Variants in CAST observed in about 807,000 individuals in gnomAD.
CAST encodes MIR583 host.
A neutral mutation model predicts 119.6 loss-of-function variants in CAST; 76 were observed. The observed-to-expected ratio is 0.64, with a 90% CI of 0.53 to 0.77. The LOEUF is 0.77. Among genes scored for constraint, CAST ranks in the 30% least tolerant of loss-of-function variants. The probability of loss-of-function intolerance (pLI) is 0.00; values close to 1 mark genes in which losing one functional copy is unlikely to be tolerated. For missense variants in CAST, 953 were observed against 946.5 expected, an observed-to-expected ratio of 1.01 and a Z score of -0.09; for synonymous variants, 319 against 331.6, an observed-to-expected ratio of 0.96 and a Z score of 0.41.
At chr5:96,618,220 C>T (rs979691190) in intron 1 of CAST, among the ~76,000 whole-genome samples, 2 of 150,560 alleles carry the variant, frequency 1.3e-5, no homozygotes, top group African/African-American at 5.0e-5. Context: ...AGTCCTTTGC[C>T]CTCCTGGGAG....
At chr5:96,045,872 G>T in the CAST span, among the ~76,000 whole-genome samples, 6 of 152,142 alleles carry the variant, frequency 3.9e-5, no homozygotes, top group East Asian at 1.9e-4. Flanking sequence ...CTCTGGTGAG[G>T]CAATAACTGC....
the CAST span, among the ~76,000 whole-genome samples, chr5:96,334,421 C>T: frequency 6.6e-6 from 1 of 152,182 alleles, no homozygotes; most frequent in East Asian, 1.9e-4. Flanking sequence ...GGTGAGGTGG[C>T]CTGGTTCTCA....
chr5:96,089,269 C>T, the CAST span, among the ~76,000 whole-genome samples: 8 of 151,952 alleles, frequency 5.3e-5, no homozygotes, highest in Admixed American at 1.3e-4. Context: ...GATTATAAAC[C>T]AGTGCATAGC....
chr5:96,734,256 C>T (rs181043321), intron 9 of CAST, among the ~76,000 whole-genome samples: 59 of 152,292 alleles, frequency 3.9e-4, no homozygotes, highest in Admixed American at 3.6e-3. Flanking sequence ...GTGGAGAACC[C>T]TAAGGTGAAT....
chr5:96,391,703 A>C, the CAST span: 1 of 152,244 alleles, frequency 6.6e-6, no homozygotes, highest in Non-Finnish European at 1.5e-5. Context: ...ATGGGGACTG[A>C]GAGTCATCTA....
chr5:96,183,160 AAATAATAATAATAATAATAAT>A, the CAST span, among the ~76,000 whole-genome samples: 2 of 143,274 alleles, frequency 1.4e-5, no homozygotes, highest in Non-Finnish European at 3.0e-5. Context: ...AAAATAAATA[AAATAATAATAATAATAATAAT>A]AATAATAATA....
chr5:96,672,347 G>A (rs1410114793), intron 1 of CAST, among the ~76,000 whole-genome samples: 1 of 152,106 alleles, frequency 6.6e-6, no homozygotes, highest in South Asian at 2.1e-4. Context: ...GGGAATATGG[G>A]CATTCATTGT....
chr5:96,434,506 G>C, the CAST span, among the ~76,000 whole-genome samples: 1 of 152,186 alleles, frequency 6.6e-6, no homozygotes, highest in South Asian at 2.1e-4. Context: ...GTTCATGATC[G>C]TGACAACTTG....
intron 1 of CAST, among the ~76,000 whole-genome samples, chr5:96,613,061 T>C (rs1401650416): frequency 6.6e-6 from 1 of 152,238 alleles, no homozygotes; most frequent in Non-Finnish European, 1.5e-5. Flanking sequence ...TGGCAAGTCA[T>C]CCATCACTGT....
intron 1 of CAST, among the ~76,000 whole-genome samples, chr5:96,557,797 GA>G (rs1159281657): frequency 2.6e-4 from 39 of 152,102 alleles, no homozygotes; most frequent in Non-Finnish European, 2.4e-4. Flanking sequence ...ACAGATCAAC[GA>G]GACAGAAAGT....
At chr5:96,223,185 C>T in the CAST span, among the ~76,000 whole-genome samples, 2 of 152,024 alleles carry the variant, frequency 1.3e-5, no homozygotes, top group Non-Finnish European at 2.9e-5. Flanking sequence ...ACATAGAAGA[C>T]ATATATTCTA....
chr5:96,019,215 C>T, the CAST span, among the ~76,000 whole-genome samples: 7 of 152,174 alleles, frequency 4.6e-5, no homozygotes, highest in African/African-American at 9.7e-5. Flanking sequence ...CAGTTACCCA[C>T]AATCCCAAGA....
At chr5:96,577,515 T>C (rs992601140) in intron 1 of CAST, among the ~76,000 whole-genome samples, 7 of 152,078 alleles carry the variant, frequency 4.6e-5, no homozygotes, top group Admixed American at 4.6e-4. Context: ...ATGTAAGCAT[T>C]TAGTGCCATA....
intron 1 of CAST, among the ~76,000 whole-genome samples, chr5:96,650,677 A>G (rs536970779): frequency 6.6e-6 from 1 of 151,610 alleles, no homozygotes; most frequent in Admixed American, 6.6e-5. Context: ...CGGCAGCCTA[A>G]GATGTACTTT....
the CAST span, among the ~76,000 whole-genome samples, chr5:96,068,424 C>T: frequency 2.0e-5 from 3 of 152,078 alleles, no homozygotes; most frequent in African/African-American, 4.8e-5. Flanking sequence ...CTCCTGGTCC[C>T]TGTGCCCTAC....
the CAST span, among the ~76,000 whole-genome samples, chr5:96,362,518 T>C: frequency 6.6e-6 from 1 of 152,214 alleles, no homozygotes; most frequent in Admixed American, 6.5e-5. Flanking sequence ...TTTTGAATGA[T>C]TGCCATTCTA....
At position 96,662,653 on chromosome 5, in the gene CAST, G is replaced by GGCAGGTGGCA. The variant is rs146973537; in HGVS notation, c.75+165_75+166insAGCAGGTGGC. 4.1e-3 allele frequency among the ~76,000 whole-genome samples: 625 copies of GGCAGGTGGCA among 151,826 alleles called. 11 individuals are homozygous for GGCAGGTGGCA. Among genetic ancestry groups the GGCAGGTGGCA allele is most frequent in the South Asian group, 0.031 (152 of 4,826 alleles). ...AGGGCTAGGGGCTTGGCCGCTGCCAGGCAGGTGGCTGCAGGTGGCTTCGGT... is the reference window on the plus strand; with the variant it reads ...AGGGCTAGGGGCTTGGCCGCTGCCAGGCAGGTGGCAGCAGGTGGCTGCAGGTGGCTTCGGT... On this transcript the variant is annotated intron_variant, in intron 1 of 31. Transcript: ENST00000675179.
At chr5:96,645,712 G>A (rs1305158467) in intron 1 of CAST, among the ~76,000 whole-genome samples, 7 of 151,808 alleles carry the variant, frequency 4.6e-5, no homozygotes, top group East Asian at 3.9e-4. Context: ...GTGGGAAAAC[G>A]CTGTGAAAGT....
At chr5:96,733,182 T>C (rs542625880) in intron 9 of CAST, among the ~76,000 whole-genome samples, 336 of 152,322 alleles carry the variant, frequency 2.2e-3, no homozygotes, top group Non-Finnish European at 3.5e-3. Flanking sequence ...AAATTGTTTT[T>C]TCTTGCAATA....
Sources: allele counts gnomAD v4.1 joint callset (sites outside exome capture counted in the v4.1 genomes callset), GRCh38; gene constraint gnomAD v4.1.1; transcripts MANE v1.5; gene names NCBI Gene and HGNC (gene_info 2026-07-23, HGNC 2026-07-21).